Variants in TCN2 observed in about 807,000 individuals in gnomAD.
TCN2 encodes transcobalamin 2, also known as transcobalamin-2.
TCN2 carries 34 observed loss-of-function variants against 48.6 expected under a neutral mutation model. That is an observed-to-expected ratio of 0.70 (90% CI 0.53 to 0.93). The LOEUF is 0.93. Ranked by LOEUF, TCN2 falls within the 40% of genes least tolerant of loss-of-function variation. The pLI is 0.00. For missense variants in TCN2, 652 were observed against 526.1 expected (o/e 1.24, Z -2.34); for synonymous variants, 283 against 212.5 (o/e 1.33, Z -2.89).
intron 8 of TCN2, among the ~76,000 whole-genome samples, chr22:30,623,877 C>T (rs71324166): frequency 2.9e-5 from 2 of 67,960 alleles, no homozygotes; most frequent in East Asian, 6.3e-4. Context: ...TATATACACA[C>T]ATATATACAC....
At chr22:30,614,252 A>G (rs1304260072) in intron 3 of TCN2, 97 bp from the exon 4 acceptor site, 1 of 1,494,498 alleles carries the variant, frequency 6.7e-7, no homozygotes, top group Admixed American at 1.9e-5. Flanking sequence ...GACCCAAAAG[A>G]GCGTGTTGGA....
At position 30,610,123 on chromosome 22, in the gene TCN2, A is replaced by G. The variant is rs1361705485; in HGVS notation, c.65-748A>G. 6 of 454,946 alleles carry G rather than the reference A, an allele frequency of 1.3e-5. 1 individual carries two copies. The highest frequency in any genetic ancestry group is 2.0e-5 in the African/African-American group (1 of 49,712). The allele number at this position is 454,946 out of a possible 1,614,324, so 28.2% of individuals were successfully genotyped here. ...GCTTCCGCTTCCAGAGTGTTTGAGT[A>G]TTTTCGTTGCACAGCTTCGAATAAA... On this transcript the variant is annotated intron_variant, in intron 1 of 8. Transcript: ENST00000215838.
intron 7 of TCN2, among the ~76,000 whole-genome samples, chr22:30,621,552 A>G (rs1286378629): frequency 3.8e-4 from 58 of 151,844 alleles, no homozygotes; most frequent in Admixed American, 3.8e-3. Context: ...GTGCGACCTC[A>G]GGTCACTGCA....
intron 3 of TCN2, among the ~76,000 whole-genome samples, chr22:30,613,472 T>C (rs1195858062): frequency 6.6e-6 from 1 of 151,974 alleles, no homozygotes; most frequent in Non-Finnish European, 1.5e-5. Context: ...AGACGTGGGG[T>C]TTCTCCATGT....
At chr22:30,619,655 T>C (rs1052811684) in intron 7 of TCN2, among the ~76,000 whole-genome samples, 6 of 152,150 alleles carry the variant, frequency 3.9e-5, no homozygotes, top group African/African-American at 1.4e-4. Context: ...CATGGGCCTA[T>C]CTCTGTCCCC....
chr22:30,624,352 G>A (rs1431937226), intron 8 of TCN2, among the ~76,000 whole-genome samples: 1 of 151,930 alleles, frequency 6.6e-6, no homozygotes, highest in East Asian at 1.9e-4. Context: ...GGGATTACAG[G>A]CGTGAGCCAC....
chr22:30,610,141 C>G, intron 1 of TCN2: 2 of 464,278 alleles, frequency 4.3e-6, no homozygotes, highest in Non-Finnish European at 8.9e-6. Context: ...TGCACAGCTT[C>G]GAATAAATCC....
intron 7 of TCN2, among the ~76,000 whole-genome samples, chr22:30,621,009 T>C (rs1232655596): frequency 1.3e-5 from 2 of 152,012 alleles, no homozygotes; most frequent in South Asian, 2.1e-4. Flanking sequence ...TGTTGTTGTT[T>C]TGAGACGGAG....
chr22:30,617,849 G>T (rs1375494457), intron 7 of TCN2: 4 of 357,040 alleles, frequency 1.1e-5, no homozygotes, highest in Non-Finnish European at 2.2e-5. Flanking sequence ...AGAGATAGTG[G>T]CATGTGCTTT....
rs187942607 is a variant in TCN2 at position 30,626,821 on chromosome 22, T to A, written c.*300T>A. On this transcript the variant is annotated 3_prime_UTR_variant, in exon 9 of 9. Coordinates refer to ENST00000215838, the MANE Select transcript of TCN2 (RefSeq NM_000355.4). ...CTGATGGGCATGAAGCATCTCAGAC[T>A]CCTTGGCAAAAAACGGAGTCCGCAG... 5 of 521,218 alleles carry A rather than the reference T, an allele frequency of 9.6e-6. No individual in the cohort carries two copies. The highest frequency in any genetic ancestry group is 1.4e-5 in the Non-Finnish European group (4 of 287,302). 32.3% of individuals were successfully genotyped at this position (521,218 alleles called of 1,614,324 possible).
intron 7 of TCN2, among the ~76,000 whole-genome samples, chr22:30,617,934 GT>G (rs1412615758): frequency 6.6e-6 from 1 of 151,926 alleles, no homozygotes; most frequent in East Asian, 1.9e-4. Context: ...ACTGTTTTTT[GT>G]TTGTTTGTTT....
At chr22:30,620,438 G>C (rs1025364795) in intron 7 of TCN2, among the ~76,000 whole-genome samples, 1 of 152,266 alleles carries the variant, frequency 6.6e-6, no homozygotes. Flanking sequence ...GCACCTCCCT[G>C]TATTCAAGCT....
At chr22:30,607,584 C>T (rs2087472083) in intron 1 of TCN2, among the ~76,000 whole-genome samples, 189 bp downstream of exon 1, 3 of 152,170 alleles carry the variant, frequency 2.0e-5, no homozygotes, top group South Asian at 2.1e-4. Flanking sequence ...ACAAGATCTC[C>T]GTTAATTCAG....
At chr22:30,623,968 A>G (rs1268371570) in intron 8 of TCN2, among the ~76,000 whole-genome samples, 1 of 115,860 alleles carries the variant, frequency 8.6e-6, no homozygotes, top group East Asian at 2.2e-4. Flanking sequence ...ATATATACAC[A>G]CACATATATA....
At chr22:30,612,072 TAAAAA>T (rs897759806) in intron 2 of TCN2, among the ~76,000 whole-genome samples, 1 of 150,798 alleles carries the variant, frequency 6.6e-6, no homozygotes, top group Non-Finnish European at 1.5e-5. Context: ...CCACATCTCT[TAAAAA>T]AAAGAAAAAG....
chr22:30,619,254 A>AT (rs952652571), intron 7 of TCN2, among the ~76,000 whole-genome samples: 1 of 152,044 alleles, frequency 6.6e-6, no homozygotes, highest in South Asian at 2.1e-4. Flanking sequence ...TTTTTTTAAA[A>AT]TTTTTTGTAG....
intron 3 of TCN2, 57 bp from the exon 4 acceptor site, chr22:30,614,292 G>T: frequency 6.3e-7 from 1 of 1,595,448 alleles, no homozygotes; most frequent in Non-Finnish European, 8.5e-7. Flanking sequence ...AGGTGCTGGC[G>T]GGGCTGGCTG....
intron 7 of TCN2, among the ~76,000 whole-genome samples, chr22:30,622,340 G>A (rs764381926): frequency 6.6e-6 from 1 of 152,214 alleles, no homozygotes. Flanking sequence ...CAGACGGAGT[G>A]CAGAAACTCA....
At chr22:30,620,731 C>T (rs2087685228) in intron 7 of TCN2, among the ~76,000 whole-genome samples, 1 of 152,232 alleles carries the variant, frequency 6.6e-6, no homozygotes, top group Admixed American at 6.5e-5. Flanking sequence ...TGGGAAGACA[C>T]TGTGGACTCC....
Sources: allele counts gnomAD v4.1 joint callset (sites outside exome capture counted in the v4.1 genomes callset), GRCh38; gene constraint gnomAD v4.1.1; transcripts MANE v1.5; gene names NCBI Gene and HGNC (gene_info 2026-07-23, HGNC 2026-07-21).